The following PRR33 variants were observed in gnomAD, a reference collection of about 807,000 sequenced individuals.
PRR33 encodes the protein proline-rich protein 33.
Under a neutral mutation model 0.5 loss-of-function variants are expected in PRR33, and 1 was observed. The ratio of observed to expected loss-of-function variants is 2.18; its 90% CI spans 0.77 to 10.34. The LOEUF (loss-of-function observed/expected upper bound fraction) is 10.34, where lower values mean the gene tolerates loss of function less well. Among genes scored for constraint, PRR33 ranks in the 30% most tolerant of loss-of-function variants. PRR33 has a pLI of 0.13. For synonymous variants in PRR33, 226 were observed against 110.0 expected (o/e 2.06, Z -6.60); for missense variants, 552 against 251.8 (o/e 2.19, Z -8.07).
chr11:1,903,574 C>T, the PRR33 span, among the ~76,000 whole-genome samples: 1 of 152,208 alleles, frequency 6.6e-6, no homozygotes, highest in Non-Finnish European at 1.5e-5. Context: ...AGGTGCACTT[C>T]TTAAAGTGCA....
chr11:1,909,914 G>A, the PRR33 span, among the ~76,000 whole-genome samples: 1 of 152,212 alleles, frequency 6.6e-6, no homozygotes, highest in African/African-American at 2.4e-5. Context: ...TGTGTGTTCT[G>A]TATATCCAGG....
chr11:1,916,018 A>T, the PRR33 span, among the ~76,000 whole-genome samples: 1 of 151,990 alleles, frequency 6.6e-6, no homozygotes, highest in Non-Finnish European at 1.5e-5. Context: ...GAAAGGATGG[A>T]CAGACGGAGG....
At chr11:1,901,570 T>C in the PRR33 span, among the ~76,000 whole-genome samples, 2 of 152,210 alleles carry the variant, frequency 1.3e-5, no homozygotes, top group African/African-American at 2.4e-5. Context: ...TGTTTTATCA[T>C]CCTAAGCAAT....
the PRR33 span, among the ~76,000 whole-genome samples, chr11:1,897,930 G>A: frequency 2.2e-3 from 342 of 152,276 alleles, no homozygotes; most frequent in African/African-American, 8.1e-3. This position sits in a 1 kb window ranked among gnomAD's most constrained non-coding sequence, Gnocchi z 4.0. Flanking sequence ...TGCTCCTTAG[G>A]TGGGGTCCCA....
At chr11:1,911,857 T>C in the PRR33 span, among the ~76,000 whole-genome samples, 16 of 152,068 alleles carry the variant, frequency 1.1e-4, no homozygotes, top group African/African-American at 3.9e-4. Context: ...ACAACTATTA[T>C]TACATTAAAA....
chr11:1,908,880 TC>T, the PRR33 span, among the ~76,000 whole-genome samples: 1 of 152,188 alleles, frequency 6.6e-6, no homozygotes, highest in Non-Finnish European at 1.5e-5. Context: ...GCCTTAGTGT[TC>T]CCCCAGCAAG....
chr11:1,905,128 T>C, the PRR33 span, among the ~76,000 whole-genome samples: 13 of 142,778 alleles, frequency 9.1e-5, no homozygotes, highest in Non-Finnish European at 1.7e-4. Context: ...AATTCTTTTT[T>C]TTTTTTTTTT....
At chr11:1,896,751 A>G (rs1436511627), upstream of PRR33, among the ~76,000 whole-genome samples, 1 of 152,222 alleles carries the variant, frequency 6.6e-6, no homozygotes, top group East Asian at 1.9e-4. Context: ...GTCTTCCGCC[A>G]TCGGTTGTGG....
chr11:1,915,547 TGTG>T, the PRR33 span, among the ~76,000 whole-genome samples: 19 of 94,648 alleles, frequency 2.0e-4, no homozygotes, highest in African/African-American at 7.3e-4. Flanking sequence ...GTGTGTGTGT[TGTG>T]GGGGGTGATG....
exon 1 of PRR33, chr11:1,889,466 C>T: frequency 1.6e-6 from 1 of 634,548 alleles, no homozygotes. Flanking sequence ...GCACCTCCTG[C>T]TCTGTGGGGG....
At chr11:1,889,354 C>T (rs780716116) in exon 1 of PRR33, 1 of 712,564 alleles carries the variant, frequency 1.4e-6, no homozygotes, top group Non-Finnish European at 2.6e-6. Context: ...TGGGCCTCCG[C>T]CACTGACATG....
chr11:1,897,420 C>T, the PRR33 span, among the ~76,000 whole-genome samples: 2 of 152,174 alleles, frequency 1.3e-5, no homozygotes, highest in East Asian at 3.8e-4. The surrounding 1 kb of genome is among the most constrained non-coding windows in gnomAD (Gnocchi z 4.0). Flanking sequence ...AGAGAGGAAC[C>T]TCCTTGTGCT....
chr11:1,905,500 G>A, the PRR33 span, among the ~76,000 whole-genome samples: 7 of 145,536 alleles, frequency 4.8e-5, no homozygotes, highest in African/African-American at 7.7e-5. Context: ...GTACAGTGGC[G>A]TGATCTCAGC....
the PRR33 span, among the ~76,000 whole-genome samples, chr11:1,915,615 G>A: frequency 1.5e-5 from 1 of 65,898 alleles, no homozygotes; most frequent in Non-Finnish European, 2.8e-5. Flanking sequence ...GTGTGTGCGG[G>A]GTGATGTTTC....
At chr11:1,912,756 C>T in the PRR33 span, among the ~76,000 whole-genome samples, 1 of 152,176 alleles carries the variant, frequency 6.6e-6, no homozygotes, top group African/African-American at 2.4e-5. Flanking sequence ...AGGCACCTGC[C>T]ACCACGCCTG....
chr11:1,910,993 A>G, the PRR33 span, among the ~76,000 whole-genome samples: 2 of 152,150 alleles, frequency 1.3e-5, no homozygotes, highest in Non-Finnish European at 2.9e-5. Flanking sequence ...TGTGTTACAA[A>G]CATCTCCTCC....
At chr11:1,904,088 A>C in the PRR33 span, among the ~76,000 whole-genome samples, 1 of 152,188 alleles carries the variant, frequency 6.6e-6, no homozygotes, top group African/African-American at 2.4e-5. Flanking sequence ...GGAGCTTTGG[A>C]ATCCAAGAGA....
chr11:1,916,897 G>A, the PRR33 span, among the ~76,000 whole-genome samples: 2 of 152,220 alleles, frequency 1.3e-5, no homozygotes, highest in Admixed American at 1.3e-4. Context: ...AAGGCCTGCA[G>A]CCTAAGAGGC....
At chr11:1,889,528 G>C in exon 1 of PRR33, 1 of 615,402 alleles carries the variant, frequency 1.6e-6, no homozygotes, top group Non-Finnish European at 3.0e-6. Flanking sequence ...GGAGGCTCTG[G>C]GGCCTCCTCC....
Sources: gnomAD v4.1 joint callset for allele counts (sites outside exome capture counted in the v4.1 genomes callset) on GRCh38, gnomAD v4.1.1 for gene constraint, Gnocchi (gnomAD v3.1) non-coding constraint, MANE v1.5 for transcripts, NCBI Gene and HGNC (gene_info 2026-07-23, HGNC 2026-07-21) for gene names.